Variants in BBS4 observed in about 807,000 individuals in gnomAD.
BBS4 encodes BBSome complex member BBS4.
Under a neutral mutation model 71.4 loss-of-function variants are expected in BBS4, and 58 were observed. That is an observed-to-expected ratio of 0.81 (90% confidence interval 0.66 to 1.01). BBS4 has a LOEUF of 1.01. Ranked by LOEUF, BBS4 falls within the 50% of genes least tolerant of loss-of-function variation. The probability of loss-of-function intolerance (pLI) is 0.00; values close to 1 mark genes in which losing one functional copy is unlikely to be tolerated. For missense variants in BBS4, 660 were observed against 607.9 expected, an observed-to-expected ratio of 1.09 and a Z score of -0.90; for synonymous variants, 228 against 216.8, an observed-to-expected ratio of 1.05 and a Z score of -0.46.
At chr15:72,691,917 T>G (rs56387971) in intron 1 of BBS4, among the ~76,000 whole-genome samples, 3,752 of 150,720 alleles carry the variant, frequency 0.025, 62 homozygotes, top group Non-Finnish European at 0.037. Flanking sequence ...GAGCCGAGAT[T>G]GTGCCACTGC....
intron 14 of BBS4, 33 bp downstream of exon 14, chr15:72,735,999 G>A: frequency 6.2e-7 from 1 of 1,613,280 alleles, no homozygotes; most frequent in South Asian, 1.1e-5. Context: ...AGAGTCATAA[G>A]TAAGCTCTCA....
Position 72,735,881 on chromosome 15 carries a change from A to C in BBS4, c.1163A>C (p.Lys388Thr). 6.2e-7 allele frequency: 1 copy of C among 1,614,108 alleles called. No homozygotes were observed. The highest frequency in any genetic ancestry group is 1.1e-5 in the South Asian group (1 of 91,088). Residue 388 changes from lysine to threonine, a missense_variant, in exon 14 of 16, where the codon AAG becomes ACG. Lys to Thr is a moderately conservative substitution (Grantham distance 78). Coordinates refer to ENST00000268057, the MANE Select transcript of BBS4 (RefSeq NM_033028.5). ...YAVLLYNQGEKKNALAQYQEM... is the reference protein window; with the variant it reads ...YAVLLYNQGETKNALAQYQEM... ...GTGCTGCTGTACAACCAGGGCGAGA[A>C]GAAGAACGCCCTGGCCCAATATCAG...
intron 2 of BBS4, among the ~76,000 whole-genome samples, chr15:72,706,957 A>G (rs544011086): frequency 1.3e-5 from 2 of 152,170 alleles, no homozygotes; most frequent in East Asian, 3.9e-4. Context: ...CTGGGATTAC[A>G]GTTGTGAGCC....
rs574048920 is a variant in BBS4, at chr15:72,699,115, C to T, written c.76+3887C>T. On this transcript the variant is annotated intron_variant, in intron 2 of 15. Coordinates refer to ENST00000268057, the MANE Select transcript of BBS4 (RefSeq NM_033028.5). ...TATTGTAATCTGGCTTTTGCTCCAC[C>T]GCTCCACTGATTAAATGGATGAGCT... Among the ~76,000 whole-genome samples the T allele has an allele frequency of 2.0e-4, 30 of 152,166 alleles. No homozygotes were observed. In the South Asian group the frequency reaches 5.4e-3, roughly 27 times the overall value.
intron 2 of BBS4, among the ~76,000 whole-genome samples, chr15:72,706,493 G>A (rs2065267084): frequency 6.6e-6 from 1 of 152,136 alleles, no homozygotes; most frequent in Non-Finnish European, 1.5e-5. Flanking sequence ...ATGTCTTTAA[G>A]CTTGGTGACT....
chr15:72,704,411 T>G, intron 2 of BBS4: 1 of 1,282,290 alleles, frequency 7.8e-7, no homozygotes, highest in Non-Finnish European at 1.0e-6. Context: ...AGAACCAGTA[T>G]CTCCATTTTT....
chr15:72,710,681 A>T (rs898644085), intron 3 of BBS4, among the ~76,000 whole-genome samples: 3 of 152,098 alleles, frequency 2.0e-5, no homozygotes, highest in Non-Finnish European at 2.9e-5. Context: ...CTTTTTTGGT[A>T]TCCAGAGCTT....
chr15:72,730,847 A>C (rs148258625), intron 10 of BBS4, among the ~76,000 whole-genome samples: 1,596 of 152,268 alleles, frequency 0.01, 23 homozygotes, highest in African/African-American at 0.036. Context: ...TGAAGCCTAA[A>C]GCTGACTCGC....
chr15:72,697,339 T>C (rs926718085), intron 2 of BBS4, among the ~76,000 whole-genome samples: 23 of 152,258 alleles, frequency 1.5e-4, no homozygotes, highest in Admixed American at 7.2e-4. Flanking sequence ...TGTCACATTT[T>C]ACTGTGAAAT....
chr15:72,695,139 T>C, intron 1 of BBS4, 38 bp from the exon 2 acceptor site: 3 of 1,459,728 alleles, frequency 2.1e-6, no homozygotes, highest in Non-Finnish European at 2.9e-6. Context: ...CAAGTTTATA[T>C]TGTGGTGCTT....
At position 72,731,774 on chromosome 15, in the gene BBS4, GA is replaced by G. The variant is rs780318359; in HGVS notation, c.1036+53del. Reference sequence around the variant, plus strand: ...ACTCTCTCTGCCATCTGTAATGAGGGAAAAATGGATTAGAATCATAGAAGAT... The same window carrying G: ...ACTCTCTCTGCCATCTGTAATGAGGGAAAATGGATTAGAATCATAGAAGAT... On this transcript the variant is annotated intron_variant, in intron 12 of 15. Transcript: ENST00000268057. 3.4e-5 allele frequency: 54 copies of G among 1,605,374 alleles called. No individual in the cohort carries two copies. In the African/African-American group the frequency reaches 6.1e-4, roughly 18 times the overall value.
chr15:72,710,422 G>A (rs962763916), intron 3 of BBS4, among the ~76,000 whole-genome samples: 5 of 151,860 alleles, frequency 3.3e-5, no homozygotes, highest in Non-Finnish European at 5.9e-5. Context: ...GGCTGGTCTC[G>A]AACTCCTGAC....
chr15:72,737,315 A>C (rs1254174540), intron 15 of BBS4, among the ~76,000 whole-genome samples, 163 bp from the exon 16 acceptor site: 3 of 152,246 alleles, frequency 2.0e-5, no homozygotes, highest in African/African-American at 7.2e-5. Flanking sequence ...GGCAAACTTG[A>C]CTGTTGCTTT....
In BBS4 at chr15:72,686,222, G is replaced by A. The variant is rs367543011; in HGVS notation, c.-6G>A. On this transcript the variant is annotated 5_prime_UTR_variant, in exon 1 of 16. Coordinates refer to ENST00000268057, the MANE Select transcript of BBS4 (RefSeq NM_033028.5). ...TTCCGGCCGCGCAGCGGTGGGCTGA[G>A]CTAAAATGGCTGAGGAGAGAGTCGC... 1.9e-6 allele frequency: 3 copies of A among 1,562,572 alleles called. No homozygotes were observed. The highest frequency in any genetic ancestry group is 1.2e-5 in the South Asian group (1 of 84,792).
intron 8 of BBS4, 78 bp from the exon 9 acceptor site, chr15:72,727,862 C>A: frequency 1.8e-6 from 2 of 1,095,300 alleles, no homozygotes; most frequent in Non-Finnish European, 1.4e-6. Context: ...AAGTATTGCA[C>A]GAGGGCATAT....
chr15:72,692,222 A>G (rs974825021), intron 1 of BBS4, among the ~76,000 whole-genome samples: 1 of 150,058 alleles, frequency 6.7e-6, no homozygotes, highest in African/African-American at 2.4e-5. Flanking sequence ...AGGAAACTAT[A>G]TGGTGGTTGT....
chr15:72,688,063 AAAAAAAG>A (rs1193869557), intron 1 of BBS4, among the ~76,000 whole-genome samples: 1 of 143,978 alleles, frequency 6.9e-6, no homozygotes, highest in East Asian at 2.0e-4. Context: ...AAAAAAAAAA[AAAAAAAG>A]AAAATACTTC....
Position 72,729,657 on chromosome 15 carries a change from A to G in BBS4, c.684A>G (p.Ala228=). 6.2e-7 allele frequency: 1 copy of G among 1,614,138 alleles called. No individual in the cohort carries two copies. The highest frequency in any genetic ancestry group is 8.5e-7 in the Non-Finnish European group (1 of 1,180,020). The change falls in exon 10 of 16, where the codon GCA becomes GCG. Residue 228 remains alanine, a synonymous_variant. Coordinates refer to ENST00000268057, the MANE Select transcript of BBS4 (RefSeq NM_033028.5). The part of the protein sequence containing the change: ...YQKAFEHLGN[A]LTYDPTNYKA... Reference sequence around the variant, plus strand: ...AGGCATTTGAACATCTTGGCAATGCACTGACTTATGACCCTACCAACTACA... The same window carrying G: ...AGGCATTTGAACATCTTGGCAATGCGCTGACTTATGACCCTACCAACTACA...
At chr15:72,695,301 T>A in intron 2 of BBS4, 73 bp downstream of exon 2, 2 of 1,139,716 alleles carry the variant, frequency 1.8e-6, no homozygotes, top group Admixed American at 2.2e-5. Flanking sequence ...ATTTATTTTT[T>A]TTTTTGGAGG....
Sources: allele counts gnomAD v4.1 joint callset (sites outside exome capture counted in the v4.1 genomes callset), GRCh38; gene constraint gnomAD v4.1.1; transcripts MANE v1.5; gene names NCBI Gene and HGNC (gene_info 2026-07-23, HGNC 2026-07-21).